The following PLXDC2 variants were observed in gnomAD, a reference collection of about 807,000 sequenced individuals.
PLXDC2 encodes plexin domain-containing protein 2.
Under a neutral mutation model 68.9 loss-of-function variants are expected in PLXDC2, and 40 were observed. The ratio of observed to expected loss-of-function variants is 0.58; its 90% CI spans 0.45 to 0.76. The LOEUF is 0.76. Ranked by LOEUF, PLXDC2 falls within the 30% of genes least tolerant of loss-of-function variation. PLXDC2 has a pLI of 0.00. For synonymous variants in PLXDC2, 243 were observed against 234.2 expected, an observed-to-expected ratio of 1.04 and a Z score of -0.34; for missense variants, 644 against 661.9, an observed-to-expected ratio of 0.97 and a Z score of 0.30.
At chr10:19,990,097 T>A (rs1834722060) in intron 1 of PLXDC2, among the ~76,000 whole-genome samples, 1 of 152,138 alleles carries the variant, frequency 6.6e-6, no homozygotes, top group Admixed American at 6.5e-5. Context: ...CCAGGATTTT[T>A]TTTTTATTTA....
chr10:20,004,239 C>T (rs919909222), intron 2 of PLXDC2, among the ~76,000 whole-genome samples: 5 of 152,134 alleles, frequency 3.3e-5, no homozygotes, highest in Non-Finnish European at 7.3e-5. Flanking sequence ...TTTCTCAAAC[C>T]CCACTCCATG....
chr10:20,208,874 G>A (rs1234586058), intron 9 of PLXDC2, among the ~76,000 whole-genome samples: 6 of 151,938 alleles, frequency 3.9e-5, no homozygotes, highest in East Asian at 3.9e-4. Flanking sequence ...ATCACATGTC[G>A]GCAGGTTGCG....
chr10:20,103,109 G>A (rs1480408975), intron 4 of PLXDC2, among the ~76,000 whole-genome samples: 3 of 152,144 alleles, frequency 2.0e-5, no homozygotes, highest in Non-Finnish European at 4.4e-5. Context: ...CAGAAATCTC[G>A]CCATCAGGGT....
At chr10:19,898,440 T>C (rs905948726) in intron 1 of PLXDC2, among the ~76,000 whole-genome samples, 2 of 152,226 alleles carry the variant, frequency 1.3e-5, no homozygotes, top group Admixed American at 1.3e-4. Context: ...ACAGGTCTTA[T>C]TGTACACATA....
chr10:19,893,117 C>T (rs1045942173), intron 1 of PLXDC2, among the ~76,000 whole-genome samples: 1 of 152,054 alleles, frequency 6.6e-6, no homozygotes, highest in African/African-American at 2.4e-5. Context: ...ATCTTATCGG[C>T]TTATGCACGC....
chr10:19,962,552 G>A (rs1282728240), intron 1 of PLXDC2, among the ~76,000 whole-genome samples: 7 of 149,274 alleles, frequency 4.7e-5, no homozygotes, highest in African/African-American at 1.5e-4. Flanking sequence ...CTCCACGCCC[G>A]GCTAATTTTT....
intron 13 of PLXDC2, among the ~76,000 whole-genome samples, chr10:20,273,675 C>G (rs977263777): frequency 6.6e-6 from 1 of 152,024 alleles, no homozygotes; most frequent in Non-Finnish European, 1.5e-5. Context: ...ACATCTGAAA[C>G]AGCACAGGAA....
chr10:19,931,030 G>C (rs1833622391), intron 1 of PLXDC2, among the ~76,000 whole-genome samples: 1 of 152,104 alleles, frequency 6.6e-6, no homozygotes, highest in African/African-American at 2.4e-5. Context: ...AAGAAAAGAC[G>C]GTGTGCTTTT....
chr10:20,082,178 G>A (rs1836579483), intron 4 of PLXDC2, among the ~76,000 whole-genome samples: 1 of 151,074 alleles, frequency 6.6e-6, no homozygotes, highest in Non-Finnish European at 1.5e-5. Context: ...AGATAAAAAG[G>A]ACATTATGTA....
At chr10:20,242,200 A>T (rs1218541072) in intron 12 of PLXDC2, among the ~76,000 whole-genome samples, 1 of 152,214 alleles carries the variant, frequency 6.6e-6, no homozygotes, top group Non-Finnish European at 1.5e-5. Context: ...AGTCCACAAG[A>T]TGCGATAATA....
At chr10:19,898,402 A>G (rs1838100140) in intron 1 of PLXDC2, among the ~76,000 whole-genome samples, 1 of 152,190 alleles carries the variant, frequency 6.6e-6, no homozygotes, top group South Asian at 2.1e-4. Flanking sequence ...TACGAATTTT[A>G]CACTATATAG....
chr10:20,177,627 G>C (rs1423884948), intron 9 of PLXDC2, among the ~76,000 whole-genome samples: 1 of 151,642 alleles, frequency 6.6e-6, no homozygotes, highest in Non-Finnish European at 1.5e-5. Flanking sequence ...AAATTAACTG[G>C]GCATGGCAGG....
chr10:19,890,057 C>T (rs1305173233), intron 1 of PLXDC2, among the ~76,000 whole-genome samples: 2 of 152,068 alleles, frequency 1.3e-5, no homozygotes, highest in Non-Finnish European at 2.9e-5. Flanking sequence ...TGTATTTATT[C>T]CAGTTTCAAT....
chr10:19,854,167 C>G lies in PLXDC2; in HGVS notation c.112+36976C>G, dbSNP rs558835052. On this transcript the variant is annotated intron_variant, in intron 1 of 13. Coordinates refer to ENST00000377252, the MANE Select transcript of PLXDC2 (RefSeq NM_032812.9). ...GCTGGAATTTCTGGGGGCTGCTCTCCCCTGCAGCAGGGCGAGTGGATGAGG... is the reference window on the plus strand; with the variant it reads ...GCTGGAATTTCTGGGGGCTGCTCTCGCCTGCAGCAGGGCGAGTGGATGAGG... Among the ~76,000 whole-genome samples, 7 of 152,290 alleles carry G rather than the reference C, an allele frequency of 4.6e-5. No individual in the cohort carries two copies. In the South Asian group the frequency reaches 1.4e-3, roughly 32 times the overall value.
chr10:20,169,542 C>T (rs1834418803), intron 7 of PLXDC2, among the ~76,000 whole-genome samples: 1 of 152,190 alleles, frequency 6.6e-6, no homozygotes, highest in Admixed American at 6.5e-5. Flanking sequence ...GCACGATTCT[C>T]ACTAGTGCCA....
rs535437646 is a variant in PLXDC2, at chr10:19,893,816, C to T, written c.112+76625C>T. Among the ~76,000 whole-genome samples, 8 of 152,348 alleles carry T rather than the reference C, an allele frequency of 5.3e-5. No individual in the cohort carries two copies. The South Asian group carries it at 8.3e-4, about 16-fold the overall frequency. On this transcript the variant is annotated intron_variant, in intron 1 of 13. Coordinates refer to ENST00000377252, the MANE Select transcript of PLXDC2 (RefSeq NM_032812.9). ...GAAATGACAACTCATGTCTCCTCAA[C>T]TAGTTACACAGCTCTTCCCAGCACT...
chr10:20,046,927 G>C lies in PLXDC2; in HGVS notation c.383G>C (p.Ser128Thr). 1.2e-6 allele frequency: 2 copies of C among 1,612,564 alleles called. No homozygotes were observed. Among genetic ancestry groups the C allele is most frequent in the South Asian group, 2.2e-5 (2 of 90,974 alleles). The stretch of plus-strand genomic sequence containing the variant: ...ATATATGGTCCATCTGATTCTGCCA[G>C]CCGGGATTTATGGGTGAACATAGAC... Reference protein sequence around the residue: ...SRIYGPSDSASRDLWVNIDQM... With the variant: ...SRIYGPSDSATRDLWVNIDQM... Residue 128 changes from serine to threonine, a missense_variant, in exon 3 of 14, where the codon AGC (serine) becomes ACC (threonine). Physicochemically the swap from Ser to Thr is moderately conservative, Grantham distance 58. Around this residue, in one of 3 missense-constraint regions of PLXDC2, gnomAD observed 201 missense variants for 166.9 expected, o/e 1.20. Transcript: ENST00000377252.
intron 9 of PLXDC2, among the ~76,000 whole-genome samples, chr10:20,191,563 T>C (rs115325249): frequency 8.9e-4 from 135 of 151,832 alleles, no homozygotes; most frequent in Middle Eastern, 3.4e-3. Context: ...CTTTTGTCAC[T>C]GCCCAGATTT....
intron 1 of PLXDC2, among the ~76,000 whole-genome samples, chr10:19,868,557 G>T (rs1204619383): frequency 6.6e-6 from 1 of 152,036 alleles, no homozygotes; most frequent in Non-Finnish European, 1.5e-5. Context: ...AGCTTGAAAA[G>T]AAAATGTTAA....
Sources: allele counts gnomAD v4.1 joint callset (sites outside exome capture counted in the v4.1 genomes callset), GRCh38; gene constraint gnomAD v4.1.1; regional missense constraint gnomAD v4.1.1; transcripts MANE v1.5; gene names NCBI Gene and HGNC (gene_info 2026-07-23, HGNC 2026-07-21).